The following DNAH17 variants were observed in gnomAD, a reference collection of about 807,000 sequenced individuals.
DNAH17 encodes the protein axonemal beta dynein heavy chain 17.
In DNAH17, 376 loss-of-function variants were observed where a neutral mutation model predicts 485.6. The observed-to-expected ratio is 0.77, with a 90% CI of 0.71 to 0.84. DNAH17 has a LOEUF of 0.84. Ranked by LOEUF, DNAH17 falls within the 40% of genes least tolerant of loss-of-function variation. The pLI, the probability that DNAH17 is intolerant of heterozygous loss-of-function variation, is 0.00. For missense variants in DNAH17, 6,370 were observed against 5,839.3 expected, an observed-to-expected ratio of 1.09 and a Z score of -2.96; for synonymous variants, 3,031 against 2,405.9, an observed-to-expected ratio of 1.26 and a Z score of -7.60.
chr17:78,434,460 A>T (rs1193352616), intron 74 of DNAH17, among the ~76,000 whole-genome samples: 1 of 152,174 alleles, frequency 6.6e-6, no homozygotes, highest in Non-Finnish European at 1.5e-5. Flanking sequence ...CCTTTTAAGT[A>T]CTTAACTACA....
intron 11 of DNAH17, among the ~76,000 whole-genome samples, chr17:78,564,285 T>G (rs2092222154): frequency 6.6e-6 from 1 of 152,146 alleles, no homozygotes; most frequent in African/African-American, 2.4e-5. Flanking sequence ...CCAAACTAGA[T>G]GCAGGTGGCA....
chr17:78,423,701 T>G lies in DNAH17; in HGVS notation c.*205A>C. On this transcript the variant is annotated 3_prime_UTR_variant, in exon 81 of 81. Transcript: ENST00000389840. ...CACAGAATGGATGGGCACAGCTGAG[T>G]GGCTCCACTGGCTTTAATCTGCCCC... 2 of 613,932 alleles carry G rather than the reference T, an allele frequency of 3.3e-6. No homozygotes were observed. Among genetic ancestry groups the G allele is most frequent in the Non-Finnish European group, 5.6e-6 (2 of 356,634 alleles). 38.0% of individuals were successfully genotyped at this position (613,932 alleles called of 1,614,324 possible).
At chr17:78,431,359 C>G (rs77641301) in intron 75 of DNAH17, among the ~76,000 whole-genome samples, 6 of 152,142 alleles carry the variant, frequency 3.9e-5, no homozygotes, top group African/African-American at 7.2e-5. Flanking sequence ...CCCCTCTCCC[C>G]CTCCTGGCCC....
intron 55 of DNAH17, among the ~76,000 whole-genome samples, chr17:78,468,016 C>CAAAA (rs1250610248): frequency 1.5e-4 from 13 of 88,574 alleles, no homozygotes; most frequent in African/African-American, 5.7e-4. Context: ...AACTCCATCT[C>CAAAA]AAAAAAAAAA....
chr17:78,480,414 C>G (rs1283317466), intron 49 of DNAH17, among the ~76,000 whole-genome samples: 2 of 152,122 alleles, frequency 1.3e-5, no homozygotes, highest in Non-Finnish European at 2.9e-5. Flanking sequence ...CATACTTAGA[C>G]TAAAAACATA....
At chr17:78,497,418 G>A (rs1382894256) in intron 37 of DNAH17, among the ~76,000 whole-genome samples, 2 of 152,212 alleles carry the variant, frequency 1.3e-5, no homozygotes, top group Admixed American at 1.3e-4. Flanking sequence ...TCCCCTGGCA[G>A]GACTGGGGCC....
intron 17 of DNAH17, among the ~76,000 whole-genome samples, chr17:78,541,396 G>T (rs1350454080): frequency 6.7e-6 from 1 of 149,584 alleles, no homozygotes; most frequent in Non-Finnish European, 1.5e-5. Context: ...TGGATGGATG[G>T]ATGGGTGGAT....
intron 54 of DNAH17, among the ~76,000 whole-genome samples, chr17:78,470,296 G>A (rs1382310730): frequency 6.6e-6 from 1 of 150,770 alleles, no homozygotes. Context: ...TTGAACTCCG[G>A]ACCTCAAGTG....
intron 1 of DNAH17, among the ~76,000 whole-genome samples, chr17:78,576,259 C>T (rs1419596879): frequency 2.0e-5 from 3 of 152,160 alleles, no homozygotes; most frequent in Non-Finnish European, 2.9e-5. Flanking sequence ...TTTATTTCAC[C>T]CTGGCCACTA....
In DNAH17 at chr17:78,543,330, C is replaced by T. The variant is rs373265805; in HGVS notation, c.2532+527G>A. On this transcript the variant is annotated intron_variant, in intron 17 of 80. Transcript: ENST00000389840. ...ACGGAGTCTCGCTCTGTCGCCCAAG[C>T]CGGACTGCGGATTGCAGTGGCGCAA... Among the ~76,000 whole-genome samples, 29 of 150,224 alleles carry T rather than the reference C, an allele frequency of 1.9e-4. No individual in the cohort carries two copies. In the East Asian group the frequency reaches 2.2e-3, roughly 11 times the overall value.
chr17:78,527,055 T>G, intron 22 of DNAH17, 59 bp from the exon 23 acceptor site: 1 of 1,395,652 alleles, frequency 7.2e-7, no homozygotes, highest in Non-Finnish European at 9.7e-7. Context: ...AAACCTTCTA[T>G]TGTGAAATAA....
intron 25 of DNAH17, among the ~76,000 whole-genome samples, chr17:78,516,813 C>T (rs758557177): frequency 2.0e-5 from 3 of 151,962 alleles, no homozygotes; most frequent in African/African-American, 4.8e-5. Context: ...AAGCCTGTGT[C>T]TCCAAACATG....
intron 60 of DNAH17, among the ~76,000 whole-genome samples, chr17:78,459,545 T>C (rs1240304279): frequency 2.0e-5 from 3 of 152,246 alleles, no homozygotes; most frequent in Admixed American, 6.5e-5. Flanking sequence ...TCAGCTGCTC[T>C]CACAGGTGCT....
Position 78,455,828 on chromosome 17 carries a change from C to T in DNAH17, c.9986G>A (p.Gly3329Glu). ...RVILLANRLV[G>E]GLASENIRWA... Reference sequence around the variant, plus strand: ...GCGGATGTTTTCCGATGCTAATCCCCCGACCAGCCTAAAGTGGGATGAGAG... The same window carrying T: ...GCGGATGTTTTCCGATGCTAATCCCTCGACCAGCCTAAAGTGGGATGAGAG... Residue 3329 changes from glycine (G) to glutamate (E), a missense_variant, in exon 63 of 81, where the codon GGG (glycine) becomes GAG (glutamate). By Grantham distance (98) the Gly-to-Glu change is moderately conservative. Transcript: ENST00000389840. The T allele has an allele frequency of 1.9e-6, 3 of 1,601,754 alleles. No individual in the cohort carries two copies. Among genetic ancestry groups the T allele is most frequent in the Non-Finnish European group, 2.6e-6 (3 of 1,174,008 alleles).
At chr17:78,565,397 T>C (rs1393582686) in intron 11 of DNAH17, among the ~76,000 whole-genome samples, 1 of 152,230 alleles carries the variant, frequency 6.6e-6, no homozygotes, top group African/African-American at 2.4e-5. Flanking sequence ...CTTCAAACTC[T>C]CATGTATTTG....
chr17:78,567,276 C>T, intron 9 of DNAH17, 110 bp from the exon 10 acceptor site: 2 of 1,111,476 alleles, frequency 1.8e-6, no homozygotes, highest in Non-Finnish European at 2.6e-6. Context: ...CAAAATGTCC[C>T]CAGGAGACAC....
rs566057681 is a variant in DNAH17, at chr17:78,541,621, C to T, written c.2533-1741G>A. On this transcript the variant is annotated intron_variant, in intron 17 of 80. Transcript: ENST00000389840. ...ACAGAGTTGTGCACAAGAGACAACA[C>T]CATCTCATCACAGTTGGGGAACAGA... 6.6e-3 allele frequency among the ~76,000 whole-genome samples: 1,010 copies of T among 152,080 alleles called. 7 individuals carry two copies. Among genetic ancestry groups the T allele is most frequent in the Non-Finnish European group, 0.01 (682 of 67,960 alleles).
At position 78,490,818 on chromosome 17, in the gene DNAH17, G is replaced by A. The variant is rs1182664266; in HGVS notation, c.6699C>T (p.Ile2233=). The A allele has an allele frequency of 1.9e-6, 3 of 1,602,826 alleles. No homozygotes were observed. The Admixed American group carries it at 5.1e-5, about 27-fold the overall frequency. Residue 2233 remains isoleucine (I), a synonymous_variant, in exon 44 of 81, where the codon ATC becomes ATT. Transcript: ENST00000389840. ...CCAGCCTCATGGTGCGGTTCAGGGG[G>A]ATCCGCTCGTTGCTGGCCAGGGTGA... ...KVLTLASNER[I]PLNRTMRLVF...
rs560170701 is a variant in DNAH17, at chr17:78,447,614, A to G, written c.11211+1800T>C. On this transcript the variant is annotated intron_variant, in intron 69 of 80. Transcript: ENST00000389840. ...GTCAAACAAAACGTTCTTTGGGACC[A>G]AAGAGAATGCTTTCTACCCTGGAAA... 2.6e-5 allele frequency among the ~76,000 whole-genome samples: 4 copies of G among 152,338 alleles called. No homozygotes were observed. In the South Asian group the frequency reaches 8.3e-4, roughly 32 times the overall value.
Sources: allele counts gnomAD v4.1 joint callset (sites outside exome capture counted in the v4.1 genomes callset), GRCh38; gene constraint gnomAD v4.1.1; transcripts MANE v1.5; gene names NCBI Gene and HGNC (gene_info 2026-07-23, HGNC 2026-07-21).